The following FLACC1 variants were observed in gnomAD, a reference collection of about 807,000 sequenced individuals.
FLACC1 encodes flagellum-associated coiled-coil domain-containing protein 1.
Under a neutral mutation model 62.8 loss-of-function variants are expected in FLACC1, and 66 were observed. The observed-to-expected ratio is 1.05, with a 90% CI of 0.86 to 1.29. The LOEUF is 1.29. Among genes scored for constraint, FLACC1 ranks in the 50% most tolerant of loss-of-function variants. FLACC1 has a pLI of 0.00. For synonymous variants in FLACC1, 156 were observed against 161.0 expected (o/e 0.97, Z 0.24); for missense variants, 452 against 489.1 (o/e 0.92, Z 0.71).
At chr2:201,331,417 C>T (rs1950592848) in intron 7 of FLACC1, among the ~76,000 whole-genome samples, 1 of 152,084 alleles carries the variant, frequency 6.6e-6, no homozygotes, top group African/African-American at 2.4e-5. Flanking sequence ...ATAGCTTGCT[C>T]GGGAAACTAT....
At chr2:201,362,910 C>T in the FLACC1 span, among the ~76,000 whole-genome samples, 1 of 152,168 alleles carries the variant, frequency 6.6e-6, no homozygotes, top group African/African-American at 2.4e-5. Flanking sequence ...AGGGATTGTG[C>T]TCTCCCGCTT....
chr2:201,306,601 C>T (rs932927854), intron 11 of FLACC1, among the ~76,000 whole-genome samples: 3 of 152,072 alleles, frequency 2.0e-5, no homozygotes, highest in Non-Finnish European at 4.4e-5. Context: ...AATAGAATAT[C>T]TTCATGACCT....
At chr2:201,361,974 C>T (rs988589848), upstream of FLACC1, among the ~76,000 whole-genome samples, 1 of 152,226 alleles carries the variant, frequency 6.6e-6, no homozygotes, top group Admixed American at 6.5e-5. Flanking sequence ...TGTATTTCAG[C>T]ATCTTTTCTG....
rs2125620063 is a variant in FLACC1, at chr2:201,348,269, A to G, written c.219T>C (p.Thr73=). The part of the protein sequence containing the change: ...MKIHSARQEE[T]NKSFYEVINV... ...CTTTACTCACATAAAATGATTTATT[A>G]GTCTCTTCTTGCCTTGCTGAATGGA... The change falls in exon 4 of 15, where the codon ACT becomes ACC. Residue 73 remains threonine (T), a synonymous_variant. Coordinates refer to ENST00000392257, the MANE Select transcript of FLACC1 (RefSeq NM_001127391.3). The G allele has an allele frequency of 1.2e-6, 2 of 1,613,070 alleles. No homozygotes were observed. Among genetic ancestry groups the G allele is most frequent in the Non-Finnish European group, 1.7e-6 (2 of 1,179,790 alleles).
upstream of FLACC1, among the ~76,000 whole-genome samples, chr2:201,361,903 TTAAAC>T (rs1951188848): frequency 6.6e-6 from 1 of 151,700 alleles, no homozygotes; most frequent in African/African-American, 2.4e-5. Context: ...TCATAACTTC[TTAAAC>T]TAAAGAACAA....
chr2:201,364,066 C>T, the FLACC1 span, among the ~76,000 whole-genome samples: 1 of 152,142 alleles, frequency 6.6e-6, no homozygotes, highest in African/African-American at 2.4e-5. Flanking sequence ...AGCTTTTCCC[C>T]ATAAACAAGG....
At chr2:201,348,493 A>T (rs1950962290) in intron 3 of FLACC1, among the ~76,000 whole-genome samples, 191 bp from the exon 4 acceptor site, 1 of 152,252 alleles carries the variant, frequency 6.6e-6, no homozygotes, top group Non-Finnish European at 1.5e-5. Context: ...GTGCTCATGA[A>T]AAGGTCCTGC....
In FLACC1 at chr2:201,348,253, C is replaced by G. The variant is rs1239877936; in HGVS notation, c.234+1G>C. 2 of 1,612,830 alleles carry G rather than the reference C, an allele frequency of 1.2e-6. No individual in the cohort carries two copies. Among genetic ancestry groups the G allele is most frequent in the Non-Finnish European group, 1.7e-6 (2 of 1,179,730 alleles). ...CACCGCCCTCTCCTGCCTTTACTCA[C>G]ATAAAATGATTTATTAGTCTCTTCT... On this transcript the variant is annotated splice_donor_variant, in intron 4 of 14. Transcript: ENST00000392257. LOFTEE classifies it high-confidence loss of function.
At chr2:201,328,110 A>C (rs1950529008) in intron 9 of FLACC1, among the ~76,000 whole-genome samples, 1 of 152,064 alleles carries the variant, frequency 6.6e-6, no homozygotes, top group African/African-American at 2.4e-5. Context: ...AGTCATGAAT[A>C]TGCAAAGGCA....
intron 9 of FLACC1, among the ~76,000 whole-genome samples, chr2:201,327,826 AAT>A (rs1408725228): frequency 6.6e-6 from 1 of 152,170 alleles, no homozygotes; most frequent in Non-Finnish European, 1.5e-5. Flanking sequence ...CCGAAAGGAA[AAT>A]GAGTCATTAC....
chr2:201,329,209 T>C (rs1007465069), intron 9 of FLACC1, among the ~76,000 whole-genome samples: 7 of 152,122 alleles, frequency 4.6e-5, no homozygotes, highest in Admixed American at 4.6e-4. Flanking sequence ...ATGTCACTAA[T>C]CATCAGAGAA....
intron 12 of FLACC1, among the ~76,000 whole-genome samples, chr2:201,295,492 C>T (rs1293941947): frequency 5.9e-5 from 9 of 152,104 alleles, no homozygotes; most frequent in Non-Finnish European, 7.4e-5. Flanking sequence ...CTTCCTTACA[C>T]CTTATACAAA....
At chr2:201,330,923 C>T in intron 7 of FLACC1, 90 bp from the exon 8 acceptor site, 4 of 941,222 alleles carry the variant, frequency 4.2e-6, no homozygotes, top group Non-Finnish European at 6.1e-6. Flanking sequence ...CCTCCACCCT[C>T]CCACAGGAAG....
intron 6 of FLACC1, among the ~76,000 whole-genome samples, chr2:201,343,438 G>A (rs1950850372): frequency 6.6e-6 from 1 of 152,208 alleles, no homozygotes; most frequent in Admixed American, 6.5e-5. Context: ...TTGGCAGGCG[G>A]AGGAGGGTGG....
In FLACC1 at chr2:201,288,769, A is replaced by AATT. The variant is rs1363758174; in HGVS notation, c.1152_1154dup (p.Ile385dup). The AATT allele has an allele frequency of 6.2e-7, 1 of 1,613,650 alleles. No individual in the cohort carries two copies. Among genetic ancestry groups the AATT allele is most frequent in the East Asian group, 2.2e-5 (1 of 44,876 alleles). Reference sequence around the variant, plus strand: ...CTTCACAAATTTCTTCATTCTTAGAAATTATCTTTTGCCTGTAAAAAGAAA... The same window carrying AATT: ...CTTCACAAATTTCTTCATTCTTAGAAATTATTATCTTTTGCCTGTAAAAAGAAA... On this transcript the variant is annotated inframe_insertion, in exon 15 of 15. Transcript: ENST00000392257.
intron 12 of FLACC1, among the ~76,000 whole-genome samples, chr2:201,294,054 C>A (rs1345017616): frequency 1.3e-5 from 2 of 152,094 alleles, no homozygotes; most frequent in Non-Finnish European, 2.9e-5. Flanking sequence ...AAAAAAAGTC[C>A]AGGACCAGAT....
At chr2:201,294,736 C>A (rs1289748814) in intron 12 of FLACC1, among the ~76,000 whole-genome samples, 2 of 152,172 alleles carry the variant, frequency 1.3e-5, no homozygotes, top group Non-Finnish European at 2.9e-5. Context: ...CAAATTGTCC[C>A]TGTTTGCAGA....
Position 201,351,490 on chromosome 2 carries a change from A to C in FLACC1, c.-47-39T>G, listed in dbSNP as rs1951028441. The C allele has an allele frequency of 1.7e-5, 17 of 996,108 alleles. No homozygotes were observed. The South Asian group carries it at 2.4e-4, about 14-fold the overall frequency. The allele number at this position is 996,108 out of a possible 1,614,324, so 61.7% of individuals were successfully genotyped here. On this transcript the variant is annotated intron_variant, in intron 1 of 14. Coordinates refer to ENST00000392257, the MANE Select transcript of FLACC1 (RefSeq NM_001127391.3). ...ACAACAGCAGAAGGTTAAACCATTT[A>C]GAATCAAAGCAAAAATACAGAAGAA...
At chr2:201,327,565 A>T (rs1950519059) in intron 9 of FLACC1, among the ~76,000 whole-genome samples, 1 of 152,214 alleles carries the variant, frequency 6.6e-6, no homozygotes, top group African/African-American at 2.4e-5. Flanking sequence ...AAAAGTGCTC[A>T]ATATCACTAA....
Sources: gnomAD v4.1 joint callset for allele counts (sites outside exome capture counted in the v4.1 genomes callset) on GRCh38, gnomAD v4.1.1 for gene constraint, MANE v1.5 for transcripts, NCBI Gene and HGNC (gene_info 2026-07-23, HGNC 2026-07-21) for gene names.